LRRC4C: variants seen among roughly 807,000 people sequenced by gnomAD.
The protein encoded by LRRC4C is leucine-rich repeat-containing protein 4C.
In LRRC4C, 5 loss-of-function variants were observed where a neutral mutation model predicts 33.6. The ratio of observed to expected loss-of-function variants is 0.15; its 90% CI spans 0.08 to 0.31. The LOEUF (loss-of-function observed/expected upper bound fraction) is 0.31, where lower values mean the gene tolerates loss of function less well. LRRC4C is among the 10% of genes least tolerant of loss of function. LRRC4C has a pLI of 1.00. For synonymous variants in LRRC4C, 329 were observed against 302.0 expected (o/e 1.09, Z -0.93); for missense variants, 560 against 796.7 (o/e 0.70, Z 3.58).
chr11:40,620,759 C>G (rs1222834489), intron 3 of LRRC4C, among the ~76,000 whole-genome samples: 2 of 151,766 alleles, frequency 1.3e-5, no homozygotes, highest in African/African-American at 2.4e-5. Flanking sequence ...GATCATTTAG[C>G]GAACATCTTT....
intron 1 of LRRC4C, among the ~76,000 whole-genome samples, chr11:41,003,376 C>G (rs1854515106): frequency 6.6e-6 from 1 of 151,996 alleles, no homozygotes; most frequent in Non-Finnish European, 1.5e-5. Flanking sequence ...AAATAACATA[C>G]TAAATGTTAA....
intron 2 of LRRC4C, among the ~76,000 whole-genome samples, chr11:40,921,322 T>A (rs1957167029): frequency 6.6e-6 from 1 of 152,044 alleles, no homozygotes; most frequent in Non-Finnish European, 1.5e-5. Flanking sequence ...AGTAACTAAA[T>A]CTGTCATTAT....
intron 2 of LRRC4C, among the ~76,000 whole-genome samples, chr11:40,662,653 T>C (rs1943503338): frequency 6.6e-6 from 1 of 152,336 alleles, no homozygotes; most frequent in South Asian, 2.1e-4. Context: ...CTCTTCATTT[T>C]GTCTAAGTGC....
chr11:40,345,108 T>C (rs1035788956), intron 3 of LRRC4C, among the ~76,000 whole-genome samples: 2 of 152,144 alleles, frequency 1.3e-5, no homozygotes, highest in African/African-American at 2.4e-5. Context: ...GTAGATTCCA[T>C]GCCATCCTAT....
In LRRC4C at chr11:40,820,270, A is replaced by T. The variant is rs146922728; in HGVS notation, c.-407+113365T>A. 2.0e-3 allele frequency among the ~76,000 whole-genome samples: 299 copies of T among 152,108 alleles called. 2 individuals carry two copies. The highest frequency in any genetic ancestry group is 7.0e-3 in the African/African-American group (290 of 41,532). The stretch of plus-strand genomic sequence containing the variant: ...TAAGAAGTGGAAACATTTTTACATG[A>T]TGTAAAGGAAGCAAGACAGCAATAA... On this transcript the variant is annotated intron_variant, in intron 2 of 6. Coordinates refer to ENST00000528697, the MANE Select transcript of LRRC4C (RefSeq NM_001258419.2).
chr11:40,713,447 T>C (rs1488867656), intron 2 of LRRC4C, among the ~76,000 whole-genome samples: 1 of 152,170 alleles, frequency 6.6e-6, no homozygotes, highest in African/African-American at 2.4e-5. Context: ...ACTCAGGAGA[T>C]ATGCAGACTA....
intron 5 of LRRC4C, among the ~76,000 whole-genome samples, chr11:40,229,385 G>T (rs1452045579): frequency 2.6e-5 from 4 of 152,036 alleles, no homozygotes; most frequent in African/African-American, 9.7e-5. Flanking sequence ...CAATTCTCCT[G>T]CCTCAGCCTC....
chr11:40,301,812 T>C (rs898989187), intron 4 of LRRC4C, among the ~76,000 whole-genome samples: 1 of 152,216 alleles, frequency 6.6e-6, no homozygotes, highest in Non-Finnish European at 1.5e-5. Context: ...ATTGAAATAA[T>C]GTTAAACAAT....
At chr11:40,199,027 G>A (rs943109427) in intron 5 of LRRC4C, among the ~76,000 whole-genome samples, 1 of 152,140 alleles carries the variant, frequency 6.6e-6, no homozygotes, top group African/African-American at 2.4e-5. Flanking sequence ...GAGTAATGGG[G>A]AAGAGAGACA....
rs980401397 is a variant in LRRC4C at position 41,157,216 on chromosome 11, T to G, written c.-495-223493A>C. On this transcript the variant is annotated intron_variant, in intron 1 of 6. Transcript: ENST00000528697. Reference sequence around the variant, plus strand: ...CAAAATGAATTAAGATGAGGGTAAATGTTCCAGACAGGGGAAGATAAGAAA... The same window carrying G: ...CAAAATGAATTAAGATGAGGGTAAAGGTTCCAGACAGGGGAAGATAAGAAA... Among the ~76,000 whole-genome samples the G allele has an allele frequency of 5.9e-5, 9 of 152,066 alleles. 1 individual carries two copies. Among genetic ancestry groups the G allele is most frequent in the African/African-American group, 9.7e-5 (4 of 41,404 alleles).
Position 40,809,241 on chromosome 11 carries a change from T to C in LRRC4C, c.-407+124394A>G, listed in dbSNP as rs549030397. On this transcript the variant is annotated intron_variant, in intron 2 of 6. Transcript: ENST00000528697. ...CTGGCTTCCTTCTCCACTATGCTGC[T>C]GAACTGCTCTTGTCAAAATCAAGAA... Among the ~76,000 whole-genome samples, 73 of 152,306 alleles carry C rather than the reference T, an allele frequency of 4.8e-4. 1 individual carries two copies. Among genetic ancestry groups the C allele is most frequent in the Non-Finnish European group, 9.7e-4 (66 of 68,022 alleles).
intron 2 of LRRC4C, among the ~76,000 whole-genome samples, chr11:40,809,550 T>C (rs1951397251): frequency 1.3e-5 from 2 of 152,142 alleles, no homozygotes; most frequent in African/African-American, 4.8e-5. Context: ...CTTTTTGCTG[T>C]AAGTAGATAT....
intron 1 of LRRC4C, among the ~76,000 whole-genome samples, chr11:41,391,464 A>T (rs1185974152): frequency 6.6e-6 from 1 of 151,898 alleles, no homozygotes; most frequent in Non-Finnish European, 1.5e-5. Context: ...TACAGGAAAA[A>T]AAATGAAATG....
At chr11:40,872,179 T>C (rs1190810343) in intron 2 of LRRC4C, among the ~76,000 whole-genome samples, 1 of 152,138 alleles carries the variant, frequency 6.6e-6, no homozygotes, top group Non-Finnish European at 1.5e-5. Context: ...AAAGGGACAC[T>C]GTAGATACCC....
rs190323219 is a variant in LRRC4C at position 40,695,568 on chromosome 11, G to T, written c.-406-47290C>A. On this transcript the variant is annotated intron_variant, in intron 2 of 6. Coordinates refer to ENST00000528697, the MANE Select transcript of LRRC4C (RefSeq NM_001258419.2). The stretch of plus-strand genomic sequence containing the variant: ...AAGTTATTATCTTACAGTTCTGGAG[G>T]TCAGAAGTCTGAACTGGGTCTCAAG... Among the ~76,000 whole-genome samples the T allele has an allele frequency of 1.3e-4, 20 of 152,248 alleles. No homozygotes were observed. The East Asian group carries it at 3.9e-3, about 29-fold the overall frequency.
chr11:41,273,619 A>T (rs917576764), intron 1 of LRRC4C, among the ~76,000 whole-genome samples: 1 of 152,192 alleles, frequency 6.6e-6, no homozygotes, highest in Non-Finnish European at 1.5e-5. Flanking sequence ...ATTATTGCTC[A>T]GTGAATATTC....
intron 3 of LRRC4C, among the ~76,000 whole-genome samples, chr11:40,616,851 G>A (rs550371124): frequency 1.3e-5 from 2 of 150,422 alleles, no homozygotes; most frequent in South Asian, 4.2e-4. Context: ...CATGGCACAT[G>A]TATACATATG....
chr11:40,633,414 A>T (rs1179691688), intron 3 of LRRC4C, among the ~76,000 whole-genome samples: 2 of 70,992 alleles, frequency 2.8e-5, no homozygotes, highest in Admixed American at 2.1e-4. Context: ...TTTTTGACAG[A>T]GTCTCACTCT....
chr11:40,788,274 ATTC>A (rs1463197717), intron 2 of LRRC4C, among the ~76,000 whole-genome samples: 7 of 151,926 alleles, frequency 4.6e-5, no homozygotes, highest in Non-Finnish European at 8.8e-5. Flanking sequence ...GCTTGGTAAT[ATTC>A]AACCTCAATA....
Sources: gnomAD v4.1 joint callset for allele counts (sites outside exome capture counted in the v4.1 genomes callset) on GRCh38, gnomAD v4.1.1 for gene constraint, MANE v1.5 for transcripts, NCBI Gene and HGNC (gene_info 2026-07-23, HGNC 2026-07-21) for gene names.